DLGAP2: variants seen among roughly 807,000 people sequenced by gnomAD.
The protein encoded by DLGAP2 is DLG associated protein 2.
A neutral mutation model predicts 100.3 loss-of-function variants in DLGAP2; 26 were observed. The observed-to-expected ratio is 0.26, with a 90% CI of 0.19 to 0.36. The LOEUF (loss-of-function observed/expected upper bound fraction) is 0.36, where lower values mean the gene tolerates loss of function less well. Ranked by LOEUF, DLGAP2 falls within the 10% of genes least tolerant of loss-of-function variation. The probability of loss-of-function intolerance (pLI) is 1.00; values close to 1 mark genes in which losing one functional copy is unlikely to be tolerated. For missense variants in DLGAP2, 1,858 were observed against 1,453.2 expected (o/e 1.28, Z -4.53); for synonymous variants, 886 against 630.1 (o/e 1.41, Z -6.08).
At chr8:1,545,452 A>G (rs1584911371) in intron 4 of DLGAP2, among the ~76,000 whole-genome samples, 1 of 152,200 alleles carries the variant, frequency 6.6e-6, no homozygotes, top group African/African-American at 2.4e-5. Flanking sequence ...ATAAATGACT[A>G]TAATTGCTGT....
rs141000832 is a variant in DLGAP2, at chr8:1,638,853, T to G, written c.1810+5807T>G. 5.6e-4 allele frequency among the ~76,000 whole-genome samples: 86 copies of G among 152,312 alleles called. 1 individual carries two copies. The highest frequency in any genetic ancestry group is 1.9e-3 in the African/African-American group (80 of 41,570). ...GGACAGACGCAGAGAAGGCAGCGGA[T>G]GCATGCAGATCCCAGCGATGGGGCT... On this transcript the variant is annotated intron_variant, in intron 8 of 14. Transcript: ENST00000637795.
intron 4 of DLGAP2, among the ~76,000 whole-genome samples, chr8:1,517,660 C>A (rs1006406650): frequency 1.3e-5 from 2 of 152,202 alleles, no homozygotes; most frequent in African/African-American, 2.4e-5. Flanking sequence ...AGCAGAAGGG[C>A]CTCCCGTTTC....
intron 3 of DLGAP2, among the ~76,000 whole-genome samples, chr8:1,287,282 G>GTGT (rs1200556783): frequency 0.033 from 3,391 of 101,638 alleles, 378 homozygotes; most frequent in South Asian, 0.095. Flanking sequence ...GTGTGTGTGT[G>GTGT]GTTGTTAGGA....
intron 2 of DLGAP2, among the ~76,000 whole-genome samples, chr8:1,061,836 G>A (rs992645307): frequency 6.6e-6 from 1 of 152,048 alleles, no homozygotes; most frequent in Non-Finnish European, 1.5e-5. Context: ...CAGGGAGCAC[G>A]AGACGTCGCT....
intron 1 of DLGAP2, among the ~76,000 whole-genome samples, chr8:845,570 G>A (rs959685252): frequency 2.0e-5 from 3 of 152,144 alleles, no homozygotes; most frequent in African/African-American, 7.2e-5. Context: ...CTTATCAGAC[G>A]TATGACCTGC....
intron 2 of DLGAP2, among the ~76,000 whole-genome samples, chr8:1,203,690 C>T (rs189439721): frequency 7.9e-5 from 12 of 152,214 alleles, no homozygotes; most frequent in East Asian, 5.8e-4. Context: ...ATAGAAATCC[C>T]CTTATTCTCG....
At chr8:1,267,586 A>ATAAGATAAGATAAG (rs1563051934) in intron 3 of DLGAP2, among the ~76,000 whole-genome samples, 2 of 48,404 alleles carry the variant, frequency 4.1e-5, no homozygotes, top group South Asian at 5.0e-4. Context: ...AATAAAATAA[A>ATAAGATAAGATAAG]ATAAGATAAG....
intron 1 of DLGAP2, among the ~76,000 whole-genome samples, chr8:906,323 T>C (rs1798379485): frequency 6.6e-6 from 1 of 152,230 alleles, no homozygotes; most frequent in Non-Finnish European, 1.5e-5. Flanking sequence ...AACGTGTGTC[T>C]CTGATCTCCA....
intron 2 of DLGAP2, among the ~76,000 whole-genome samples, chr8:1,076,593 A>C (rs906248888): frequency 1.3e-5 from 2 of 152,142 alleles, no homozygotes; most frequent in Non-Finnish European, 2.9e-5. Flanking sequence ...TTCCGTTTTC[A>C]CTTGTGAATG....
intron 1 of DLGAP2, among the ~76,000 whole-genome samples, chr8:793,424 G>A (rs1795963001): frequency 6.6e-6 from 1 of 152,164 alleles, no homozygotes; most frequent in African/African-American, 2.4e-5. Flanking sequence ...TTTTGCTGTG[G>A]AATTTCACAG....
intron 3 of DLGAP2, among the ~76,000 whole-genome samples, chr8:1,328,210 T>G (rs973171971): frequency 1.3e-5 from 2 of 151,950 alleles, no homozygotes; most frequent in Non-Finnish European, 1.5e-5. Flanking sequence ...TGGCTAATTT[T>G]TTTATTTTTT....
chr8:1,346,107 A>G (rs145997464), intron 3 of DLGAP2, among the ~76,000 whole-genome samples: 1 of 152,076 alleles, frequency 6.6e-6, no homozygotes, highest in African/African-American at 2.4e-5. Context: ...CATTTCCCTT[A>G]TGGTGTCTGT....
intron 4 of DLGAP2, among the ~76,000 whole-genome samples, chr8:1,544,326 A>AT (rs1350281810): frequency 6.6e-6 from 1 of 152,116 alleles, no homozygotes; most frequent in Non-Finnish European, 1.5e-5. Flanking sequence ...AATACAATTG[A>AT]TTTTTTATTT....
intron 8 of DLGAP2, among the ~76,000 whole-genome samples, chr8:1,646,195 G>C (rs1430937757): frequency 6.6e-6 from 1 of 152,284 alleles, no homozygotes; most frequent in African/African-American, 2.4e-5. Context: ...TCTAGTGGAA[G>C]AAACAAAACA....
rs1219044717 is a variant in DLGAP2 at position 1,481,925 on chromosome 8, T to C, written c.107-19441T>C. On this transcript the variant is annotated intron_variant, in intron 3 of 14. Coordinates refer to ENST00000637795, the MANE Select transcript of DLGAP2 (RefSeq NM_001346810.2). ...TCAAGCTTCCAGCCCGACCCGATTA[T>C]CCTTCTGATGCCAGGGTCCCCCCGT... 3.3e-5 allele frequency among the ~76,000 whole-genome samples: 5 copies of C among 152,328 alleles called. No homozygotes were observed. In the East Asian group the frequency reaches 9.6e-4, roughly 29 times the overall value.
At chr8:1,181,251 G>A (rs1321004895) in intron 2 of DLGAP2, among the ~76,000 whole-genome samples, 2 of 151,536 alleles carry the variant, frequency 1.3e-5, no homozygotes, top group African/African-American at 4.8e-5. Flanking sequence ...TACACTTACT[G>A]TCGAGTGTGG....
intron 3 of DLGAP2, among the ~76,000 whole-genome samples, chr8:1,490,137 G>C (rs1377658866): frequency 6.6e-6 from 1 of 152,234 alleles, no homozygotes; most frequent in Middle Eastern, 3.4e-3. Context: ...TGATCCACCT[G>C]CCTCAGCCTC....
intron 3 of DLGAP2, among the ~76,000 whole-genome samples, chr8:1,291,001 A>G (rs1036452973): frequency 6.6e-6 from 1 of 152,194 alleles, no homozygotes; most frequent in Admixed American, 6.5e-5. Flanking sequence ...CAGCCCTACA[A>G]GTAATACTAA....
At chr8:1,429,295 C>T (rs527518076) in intron 3 of DLGAP2, among the ~76,000 whole-genome samples, 27 of 152,148 alleles carry the variant, frequency 1.8e-4, no homozygotes, top group African/African-American at 6.0e-4. Context: ...ACCATTTACA[C>T]GGGAGTTTGG....
Sources: gnomAD v4.1 joint callset for allele counts (sites outside exome capture counted in the v4.1 genomes callset) on GRCh38, gnomAD v4.1.1 for gene constraint, MANE v1.5 for transcripts, NCBI Gene and HGNC (gene_info 2026-07-23, HGNC 2026-07-21) for gene names.